KYNU: variants seen among roughly 807,000 people sequenced by gnomAD.
The protein encoded by KYNU is kynureninase, also known as L-kynurenine hydrolase.
A neutral mutation model predicts 59.2 loss-of-function variants in KYNU; 54 were observed. The observed-to-expected ratio is 0.91, with a 90% CI of 0.73 to 1.14. The LOEUF (loss-of-function observed/expected upper bound fraction) is 1.14. Ranked by LOEUF, KYNU falls within the 50% of genes most tolerant of loss-of-function variation. KYNU has a pLI of 0.00. For synonymous variants in KYNU, 177 were observed against 192.0 expected, an observed-to-expected ratio of 0.92 and a Z score of 0.65; for missense variants, 567 against 554.4, an observed-to-expected ratio of 1.02 and a Z score of -0.23.
intron 11 of KYNU, among the ~76,000 whole-genome samples, chr2:143,032,739 G>GTGTGTGTGTGTGTGTGTGTGTC (rs1417122344): frequency 6.6e-6 from 1 of 151,476 alleles, no homozygotes; most frequent in Non-Finnish European, 1.5e-5. Context: ...GTGTGTGTGT[G>GTGTGTGTGTGTGTGTGTGTGTC]TGTCTGTGTG....
At chr2:143,031,718 C>T (rs983703071) in intron 11 of KYNU, among the ~76,000 whole-genome samples, 1 of 152,148 alleles carries the variant, frequency 6.6e-6, no homozygotes, top group African/African-American at 2.4e-5. Context: ...GAGTGATACT[C>T]TGTCTCAAAA....
chr2:142,948,865 G>A (rs569452156), intron 4 of KYNU, among the ~76,000 whole-genome samples: 1 of 152,288 alleles, frequency 6.6e-6, no homozygotes, highest in South Asian at 2.1e-4. Flanking sequence ...TAACTCAAAA[G>A]TCCACAGTCC....
chr2:142,987,936 C>A (rs1223206069), intron 10 of KYNU, among the ~76,000 whole-genome samples: 1 of 151,742 alleles, frequency 6.6e-6, no homozygotes, highest in Non-Finnish European at 1.5e-5. Flanking sequence ...CTGCTCTGGC[C>A]ATGAAAGATG....
chr2:143,028,788 TG>T (rs1333970955), intron 10 of KYNU, among the ~76,000 whole-genome samples: 1 of 151,966 alleles, frequency 6.6e-6, no homozygotes, highest in Non-Finnish European at 1.5e-5. Context: ...GCGGAGGTTG[TG>T]GTGAGCCAAG....
In KYNU at chr2:143,034,812, G is replaced by A. The variant is rs191120041; in HGVS notation, c.1041+1491G>A. Among the ~76,000 whole-genome samples, 11 of 152,282 alleles carry A rather than the reference G, an allele frequency of 7.2e-5. 1 individual carries two copies. In the East Asian group the frequency reaches 1.4e-3, roughly 19 times the overall value. Reference sequence around the variant, plus strand: ...GCATTCCTTGCAAGTTTGTATCAGCGAGATGTGTGACAATATCAGAAGCAC... The same window carrying A: ...GCATTCCTTGCAAGTTTGTATCAGCAAGATGTGTGACAATATCAGAAGCAC... On this transcript the variant is annotated intron_variant, in intron 12 of 13. Transcript: ENST00000264170.
At chr2:142,878,674 T>C (rs1681184600) in intron 1 of KYNU, among the ~76,000 whole-genome samples, 2 of 152,200 alleles carry the variant, frequency 1.3e-5, no homozygotes, top group African/African-American at 4.8e-5. Flanking sequence ...ATTCTGTGAT[T>C]TCGTTAAAAT....
intron 10 of KYNU, among the ~76,000 whole-genome samples, chr2:143,016,088 G>A (rs931108880): frequency 6.6e-6 from 1 of 152,028 alleles, no homozygotes; most frequent in Non-Finnish European, 1.5e-5. Context: ...TTCTCTAAAC[G>A]TTCATTCTGT....
intron 2 of KYNU, among the ~76,000 whole-genome samples, chr2:142,900,192 GA>G (rs1682027847): frequency 6.6e-6 from 1 of 152,186 alleles, no homozygotes; most frequent in Non-Finnish European, 1.5e-5. Context: ...CCTTTAGCCT[GA>G]TCAGGAGTGG....
At chr2:143,006,873 G>A (rs375338243) in intron 10 of KYNU, among the ~76,000 whole-genome samples, 3 of 152,096 alleles carry the variant, frequency 2.0e-5, no homozygotes, top group Non-Finnish European at 2.9e-5. Context: ...AAACTAACAA[G>A]CAGAAAGGAC....
chr2:142,946,274 G>A (rs568389670), intron 4 of KYNU, among the ~76,000 whole-genome samples: 1 of 151,730 alleles, frequency 6.6e-6, no homozygotes, highest in South Asian at 2.1e-4. Flanking sequence ...GGTAAAAATG[G>A]GGTTTCACCA....
intron 1 of KYNU, among the ~76,000 whole-genome samples, chr2:142,880,621 G>A (rs1273850655): frequency 6.6e-6 from 1 of 152,138 alleles, no homozygotes; most frequent in Non-Finnish European, 1.5e-5. Context: ...GAATGAATAA[G>A]CACATCCCAC....
intron 12 of KYNU, 55 bp from the exon 13 acceptor site, chr2:143,040,373 T>G: frequency 8.0e-7 from 1 of 1,253,140 alleles, no homozygotes; most frequent in Non-Finnish European, 1.2e-6. Context: ...CTCTTAATTT[T>G]TGCTTCTTTG....
rs1030938454 is a variant in KYNU, at chr2:142,959,092, T to C, written c.582+1377T>C. On this transcript the variant is annotated intron_variant, in intron 7 of 13. Coordinates refer to ENST00000264170, the MANE Select transcript of KYNU (RefSeq NM_003937.3). The stretch of plus-strand genomic sequence containing the variant: ...TAAACAAATTCCTGGTTTCTTCTAG[T>C]AGAGAGTTTATTTCACACCCACACA... 3.7e-4 allele frequency among the ~76,000 whole-genome samples: 56 copies of C among 152,026 alleles called. 1 individual carries two copies. The highest frequency in any genetic ancestry group is 1.0e-4 in the Non-Finnish European group (7 of 67,978).
intron 2 of KYNU, among the ~76,000 whole-genome samples, chr2:142,907,683 T>TCC (rs373109900): frequency 3.4e-5 from 5 of 149,092 alleles, no homozygotes; most frequent in African/African-American, 5.2e-5. Flanking sequence ...CTGATCATTG[T>TCC]CCCCCCGTTG....
chr2:142,951,618 G>A (rs1409131887), intron 4 of KYNU, among the ~76,000 whole-genome samples: 2 of 152,184 alleles, frequency 1.3e-5, no homozygotes, highest in Non-Finnish European at 2.9e-5. Context: ...ATTCTTTAGT[G>A]CCTTTAGGTC....
At chr2:143,038,325 C>T (rs971297016) in intron 12 of KYNU, among the ~76,000 whole-genome samples, 11 of 152,122 alleles carry the variant, frequency 7.2e-5, no homozygotes, top group Admixed American at 6.6e-4. Flanking sequence ...ACTTCACAGC[C>T]AAACCAGCTG....
At chr2:142,973,415 C>T (rs11891470) in intron 8 of KYNU, among the ~76,000 whole-genome samples, 1 of 152,126 alleles carries the variant, frequency 6.6e-6, no homozygotes, top group African/African-American at 2.4e-5. Context: ...TTTCCAATTA[C>T]CCTCATATAG....
chr2:142,893,282 C>T (rs1681769420), intron 2 of KYNU, among the ~76,000 whole-genome samples: 1 of 152,108 alleles, frequency 6.6e-6, no homozygotes, highest in African/African-American at 2.4e-5. Context: ...AAAGAAAGAA[C>T]TCTAGAAAGA....
chr2:142,910,117 T>C (rs955821379), intron 2 of KYNU, among the ~76,000 whole-genome samples: 2 of 150,590 alleles, frequency 1.3e-5, no homozygotes, highest in Non-Finnish European at 2.9e-5. Flanking sequence ...GAAGTGTCTA[T>C]TCATGTTCTT....
Sources: gnomAD v4.1 joint callset for allele counts (sites outside exome capture counted in the v4.1 genomes callset) on GRCh38, gnomAD v4.1.1 for gene constraint, MANE v1.5 for transcripts, NCBI Gene and HGNC (gene_info 2026-07-23, HGNC 2026-07-21) for gene names.